The following IDO2 variants were observed in gnomAD, a reference collection of about 807,000 sequenced individuals.
The protein encoded by IDO2 is indoleamine 2,3-dioxygenase 2.
IDO2 carries 46 observed loss-of-function variants against 45.1 expected under a neutral mutation model. The ratio of observed to expected loss-of-function variants is 1.02; its 90% CI spans 0.80 to 1.30. The LOEUF is 1.30. Ranked by LOEUF, IDO2 falls within the 50% of genes most tolerant of loss-of-function variation. The pLI is 0.00. For missense variants in IDO2, 544 were observed against 491.8 expected (o/e 1.11, Z -1.00); for synonymous variants, 218 against 184.9 (o/e 1.18, Z -1.45).
At chr8:39,942,209 A>G (rs1172211272) in intron 1 of IDO2, among the ~76,000 whole-genome samples, 1 of 152,258 alleles carries the variant, frequency 6.6e-6, no homozygotes, top group Non-Finnish European at 1.5e-5. Flanking sequence ...TCATTAATTC[A>G]TCATGTAATG....
intron 1 of IDO2, among the ~76,000 whole-genome samples, chr8:39,938,926 A>T (rs1807597799): frequency 6.6e-6 from 1 of 152,122 alleles, no homozygotes; most frequent in Non-Finnish European, 1.5e-5. Context: ...TACTGACAGC[A>T]CTCTCAGTGC....
intron 8 of IDO2, among the ~76,000 whole-genome samples, chr8:39,991,691 C>G (rs923480679): frequency 1.3e-5 from 2 of 151,014 alleles, no homozygotes; most frequent in Non-Finnish European, 2.9e-5. Context: ...TTGCCTCAGT[C>G]TCCCTAGTAG....
At chr8:39,965,244 G>A (rs1045596429) in intron 3 of IDO2, among the ~76,000 whole-genome samples, 2 of 152,192 alleles carry the variant, frequency 1.3e-5, no homozygotes, top group African/African-American at 4.8e-5. Flanking sequence ...CTAGCACTTT[G>A]GGAGGCCAAG....
intron 3 of IDO2, among the ~76,000 whole-genome samples, chr8:39,977,478 G>A (rs532194582): frequency 2.0e-4 from 31 of 152,196 alleles, no homozygotes; most frequent in Non-Finnish European, 3.7e-4. Flanking sequence ...GTTTGAGTTT[G>A]AGACTAACCT....
chr8:39,963,802 G>T (rs1563428931), intron 3 of IDO2, 99 bp downstream of exon 3: 2 of 688,784 alleles, frequency 2.9e-6, no homozygotes, highest in African/African-American at 1.8e-5. Flanking sequence ...CTGGGAAACT[G>T]TTCATTACCA....
chr8:39,945,791 T>C (rs1807719389), intron 1 of IDO2, among the ~76,000 whole-genome samples: 1 of 152,194 alleles, frequency 6.6e-6, no homozygotes, highest in East Asian at 1.9e-4. Flanking sequence ...CAAAAGCTGG[T>C]AGTGAAACCG....
intron 8 of IDO2, among the ~76,000 whole-genome samples, chr8:39,990,504 G>A (rs183545186): frequency 6.6e-6 from 1 of 152,238 alleles, no homozygotes; most frequent in African/African-American, 2.4e-5. Flanking sequence ...TTGCACAAAG[G>A]CCATCACAAC....
chr8:39,953,587 AG>A (rs1807843230), intron 2 of IDO2, among the ~76,000 whole-genome samples: 1 of 152,106 alleles, frequency 6.6e-6, no homozygotes, highest in African/African-American at 2.4e-5. Flanking sequence ...TTTTTGAGAC[AG>A]AGTCCGCTTT....
intron 9 of IDO2, among the ~76,000 whole-genome samples, chr8:40,009,770 G>C (rs976807502): frequency 3.9e-5 from 6 of 152,146 alleles, no homozygotes; most frequent in Admixed American, 1.3e-4. Flanking sequence ...ATCCTCTTGA[G>C]GGTGAGGCAC....
intron 1 of IDO2, among the ~76,000 whole-genome samples, chr8:39,936,014 C>A (rs533938063): frequency 1.3e-5 from 2 of 152,192 alleles, no homozygotes; most frequent in South Asian, 4.2e-4. Context: ...CTTAGTATAT[C>A]CAGGGATGGA....
chr8:40,012,362 A>C (rs891365666), intron 9 of IDO2, among the ~76,000 whole-genome samples: 28 of 152,292 alleles, frequency 1.8e-4, no homozygotes, highest in African/African-American at 6.7e-4. Context: ...GAAAATTGCA[A>C]GTTTGGGGAT....
chr8:39,979,336 C>T (rs1808307154), intron 4 of IDO2, 150 bp downstream of exon 4: 2 of 504,642 alleles, frequency 4.0e-6, no homozygotes, highest in South Asian at 9.2e-5. Context: ...ATGAAGGGCT[C>T]ATTTATTATT....
At chr8:40,005,262 C>A in intron 8 of IDO2, 65 bp from the exon 9 acceptor site, 1 of 1,094,158 alleles carries the variant, frequency 9.1e-7, no homozygotes, top group Non-Finnish European at 1.3e-6. Context: ...CAGCAGGGCC[C>A]ATGCACATGT....
At chr8:39,978,168 C>T (rs1477288995) in intron 3 of IDO2, among the ~76,000 whole-genome samples, 4 of 152,244 alleles carry the variant, frequency 2.6e-5, no homozygotes, top group African/African-American at 9.6e-5. Context: ...CCAACCTCAA[C>T]CCGGGCCTGC....
intron 3 of IDO2, among the ~76,000 whole-genome samples, chr8:39,964,643 T>TA (rs1462921727): frequency 2.0e-5 from 3 of 152,328 alleles, no homozygotes; most frequent in Admixed American, 6.5e-5. Flanking sequence ...TAGAACCTTG[T>TA]AAAAGATGAG....
intron 10 of IDO2, 31 bp downstream of exon 10, chr8:40,013,744 G>C: frequency 6.7e-7 from 1 of 1,501,296 alleles, no homozygotes; most frequent in Non-Finnish European, 8.9e-7. Flanking sequence ...TCCCTTGAGA[G>C]TAGAGGGAGG....
intron 3 of IDO2, among the ~76,000 whole-genome samples, chr8:39,967,861 G>T (rs773334517): frequency 1.3e-5 from 2 of 152,192 alleles, no homozygotes; most frequent in Non-Finnish European, 2.9e-5. Context: ...TGAAGAGGAC[G>T]TATAGCAATA....
chr8:39,994,352 G>A (rs536091856), intron 8 of IDO2, among the ~76,000 whole-genome samples: 1 of 151,662 alleles, frequency 6.6e-6, no homozygotes, highest in Non-Finnish European at 1.5e-5. Context: ...CTGCGTCCCA[G>A]GTTTAAGTGA....
At chr8:40,015,612 C>G in exon 11 of IDO2, 1 of 1,590,554 alleles carries the variant, frequency 6.3e-7, no homozygotes, top group South Asian at 1.1e-5. Flanking sequence ...GGAGGCTGCC[C>G]TCTCCCCAGC....
Sources: gnomAD v4.1 joint callset for allele counts (sites outside exome capture counted in the v4.1 genomes callset) on GRCh38, gnomAD v4.1.1 for gene constraint, MANE v1.5 for transcripts, NCBI Gene and HGNC (gene_info 2026-07-23, HGNC 2026-07-21) for gene names.